MGMT: variants seen among roughly 807,000 people sequenced by gnomAD.
MGMT encodes methylated-DNA--protein-cysteine methyltransferase.
MGMT carries 14 observed loss-of-function variants against 15.9 expected under a neutral mutation model. The observed-to-expected ratio is 0.88, with a 90% confidence interval of 0.58 to 1.37. The LOEUF (loss-of-function observed/expected upper bound fraction) is 1.37, where lower values mean the gene tolerates loss of function less well. MGMT is among the 40% of genes most tolerant of loss of function. MGMT has a pLI of 0.00. For missense variants in MGMT, 282 were observed against 268.1 expected, an observed-to-expected ratio of 1.05 and a Z score of -0.36; for synonymous variants, 130 against 118.2, an observed-to-expected ratio of 1.10 and a Z score of -0.65.
At chr10:129,469,557 G>A (rs1052266084) in intron 1 of MGMT, among the ~76,000 whole-genome samples, 2 of 152,124 alleles carry the variant, frequency 1.3e-5, no homozygotes, top group Non-Finnish European at 2.9e-5. Context: ...GTCCCTCCAG[G>A]GGACACATTG....
At chr10:129,476,164 A>G (rs575255284) in intron 1 of MGMT, among the ~76,000 whole-genome samples, 3 of 152,236 alleles carry the variant, frequency 2.0e-5, no homozygotes, top group Admixed American at 6.5e-5. Context: ...CTCCGGAAGC[A>G]TGGGCTTATA....
intron 1 of MGMT, among the ~76,000 whole-genome samples, chr10:129,479,565 C>G (rs1257323690): frequency 6.6e-6 from 1 of 152,050 alleles, no homozygotes; most frequent in Non-Finnish European, 1.5e-5. Flanking sequence ...CAAAGAGAAT[C>G]AGTCATGTTT....
intron 2 of MGMT, among the ~76,000 whole-genome samples, chr10:129,541,904 C>A (rs2119770261): frequency 6.6e-6 from 1 of 152,258 alleles, no homozygotes; most frequent in South Asian, 2.1e-4. Flanking sequence ...TGGATTGAGG[C>A]TGGGTGGGGC....
intron 2 of MGMT, among the ~76,000 whole-genome samples, chr10:129,583,788 A>T (rs565664358): frequency 3.7e-4 from 56 of 152,322 alleles, no homozygotes; most frequent in African/African-American, 1.3e-3. Context: ...CAACAGATGG[A>T]AACACCATTG....
At chr10:129,688,018 G>T (rs986720123) in intron 2 of MGMT, among the ~76,000 whole-genome samples, 7 of 152,258 alleles carry the variant, frequency 4.6e-5, no homozygotes, top group East Asian at 1.9e-4. Context: ...CCCTATAAAA[G>T]ACATGAACTC....
intron 2 of MGMT, among the ~76,000 whole-genome samples, chr10:129,658,975 A>C (rs998737927): frequency 1.3e-5 from 2 of 152,136 alleles, no homozygotes; most frequent in African/African-American, 4.8e-5. Flanking sequence ...GTACCATTCA[A>C]TGTTATCTTA....
intron 2 of MGMT, among the ~76,000 whole-genome samples, chr10:129,688,142 A>ATACGTGGCACTATTGTGTAT (rs1396585178): frequency 6.6e-6 from 1 of 152,242 alleles, no homozygotes; most frequent in Non-Finnish European, 1.5e-5. Context: ...ATAGTGCCAC[A>ATACGTGGCACTATTGTGTAT]GTAAACATAC....
chr10:129,582,361 A>G (rs1846566932), intron 2 of MGMT, among the ~76,000 whole-genome samples: 1 of 152,222 alleles, frequency 6.6e-6, no homozygotes, highest in South Asian at 2.1e-4. Flanking sequence ...TATAGTTCTC[A>G]TGACCACTGC....
chr10:129,629,149 A>G (rs1353333982), intron 2 of MGMT, among the ~76,000 whole-genome samples: 2 of 152,234 alleles, frequency 1.3e-5, no homozygotes, highest in Non-Finnish European at 2.9e-5. Context: ...GGTCTGTGGC[A>G]TTAGGTCTTC....
chr10:129,720,541 T>C (rs1242774837), intron 3 of MGMT, among the ~76,000 whole-genome samples: 1 of 152,060 alleles, frequency 6.6e-6, no homozygotes, highest in Non-Finnish European at 1.5e-5. Flanking sequence ...ATGGATACAG[T>C]TATGGACAAA....
At chr10:129,591,357 G>A (rs1019097055) in intron 2 of MGMT, among the ~76,000 whole-genome samples, 6 of 152,204 alleles carry the variant, frequency 3.9e-5, no homozygotes, top group African/African-American at 1.2e-4. Context: ...CCACTCGTGC[G>A]GGAAGACATG....
intron 2 of MGMT, among the ~76,000 whole-genome samples, chr10:129,692,124 C>G (rs1361755524): frequency 2.6e-5 from 4 of 152,156 alleles, no homozygotes; most frequent in Non-Finnish European, 1.5e-5. Context: ...TTTGATACCA[C>G]CCAAATATAT....
At chr10:129,690,721 G>A (rs1333734856) in intron 2 of MGMT, among the ~76,000 whole-genome samples, 1 of 152,204 alleles carries the variant, frequency 6.6e-6, no homozygotes, top group Non-Finnish European at 1.5e-5. Flanking sequence ...AAAGTCCCAG[G>A]AGTGGGAAGG....
chr10:129,470,904 G>A (rs577589215), intron 1 of MGMT, among the ~76,000 whole-genome samples: 1 of 152,322 alleles, frequency 6.6e-6, no homozygotes, highest in South Asian at 2.1e-4. Flanking sequence ...ATTAGTCATA[G>A]TGTGTGTAAC....
chr10:129,652,268 C>T (rs1221078129), intron 2 of MGMT, among the ~76,000 whole-genome samples: 3 of 152,232 alleles, frequency 2.0e-5, no homozygotes, highest in East Asian at 3.9e-4. Flanking sequence ...CTGGGGGGCT[C>T]GGCCTCCTTC....
At chr10:129,716,208 T>C (rs1219458444) in intron 3 of MGMT, among the ~76,000 whole-genome samples, 2 of 152,216 alleles carry the variant, frequency 1.3e-5, no homozygotes, top group Non-Finnish European at 2.9e-5. Context: ...GATCAGGCCT[T>C]CTCTGCCCTT....
chr10:129,715,570 T>A (rs12763287), intron 3 of MGMT: 6 of 152,204 alleles, frequency 3.9e-5, no homozygotes, highest in Admixed American at 3.3e-4. Context: ...CCTTCGTCTC[T>A]TTTGTCGTCA....
intron 1 of MGMT, among the ~76,000 whole-genome samples, chr10:129,503,801 T>C (rs1845598567): frequency 6.6e-6 from 1 of 152,258 alleles, no homozygotes; most frequent in African/African-American, 2.4e-5. Flanking sequence ...TTGTATTCTC[T>C]TTGTAGCAAT....
intron 1 of MGMT, among the ~76,000 whole-genome samples, chr10:129,517,984 C>A (rs1845757925): frequency 6.6e-6 from 1 of 152,054 alleles, no homozygotes; most frequent in African/African-American, 2.4e-5. Context: ...CTCGGGCCTG[C>A]CTGCCTTATT....
Sources: allele counts gnomAD v4.1 joint callset (sites outside exome capture counted in the v4.1 genomes callset), GRCh38; gene constraint gnomAD v4.1.1; transcripts MANE v1.5; gene names NCBI Gene and HGNC (gene_info 2026-07-23, HGNC 2026-07-21).